Variants in DENND1A observed in about 807,000 individuals in gnomAD.
DENND1A encodes the protein DENN domain containing 1A.
DENND1A carries 51 observed loss-of-function variants against 113.7 expected under a neutral mutation model. The observed-to-expected ratio is 0.45, with a 90% confidence interval of 0.36 to 0.57. DENND1A has a LOEUF of 0.57. Ranked by LOEUF, DENND1A falls within the 20% of genes least tolerant of loss-of-function variation. The pLI is 0.00. For synonymous variants in DENND1A, 565 were observed against 570.8 expected (o/e 0.99, Z 0.14); for missense variants, 1,258 against 1,395.9 (o/e 0.90, Z 1.57).
At chr9:123,835,638 G>A (rs1309763933) in intron 2 of DENND1A, among the ~76,000 whole-genome samples, 3 of 146,338 alleles carry the variant, frequency 2.1e-5, no homozygotes, top group Non-Finnish European at 4.5e-5. Flanking sequence ...TTGGATATCT[G>A]CATTTTCCTC....
chr9:123,704,697 T>A (rs73665341), intron 5 of DENND1A, among the ~76,000 whole-genome samples: 3,131 of 152,204 alleles, frequency 0.021, 112 homozygotes, highest in African/African-American at 0.072. Context: ...GTTTAATGCA[T>A]GTAAAAAACT....
At chr9:123,640,491 CG>C (rs1564867243) in intron 9 of DENND1A, among the ~76,000 whole-genome samples, 1 of 152,208 alleles carries the variant, frequency 6.6e-6, no homozygotes, top group African/African-American at 2.4e-5. Flanking sequence ...GTGGTCCGTA[CG>C]CAAAACCTCT....
intron 1 of DENND1A, among the ~76,000 whole-genome samples, chr9:123,904,161 C>T (rs1329800567): frequency 1.3e-5 from 2 of 152,166 alleles, no homozygotes; most frequent in Non-Finnish European, 2.9e-5. Flanking sequence ...AGCTGAGGGT[C>T]CTGTCTGTTA....
intron 5 of DENND1A, among the ~76,000 whole-genome samples, chr9:123,728,105 CAA>C (rs1184658717): frequency 9.0e-5 from 12 of 132,796 alleles, no homozygotes; most frequent in Admixed American, 1.5e-4. Context: ...GACTCTGTCT[CAA>C]AAAAAAAAAA....
rs1354287866 is a variant in DENND1A at position 123,795,148 on chromosome 9, A to G, written c.89-2518T>C. ...GGTCTTTAACATTCACCAAAGCAAT[A>G]TAATACATTTTTAAAAAGAAAGAAA... On this transcript the variant is annotated intron_variant, in intron 2 of 23. Transcript: ENST00000394215. Among the ~76,000 whole-genome samples the G allele has an allele frequency of 2.6e-5, 4 of 152,232 alleles. No individual in the cohort carries two copies. The South Asian group carries it at 6.2e-4, about 24-fold the overall frequency.
intron 9 of DENND1A, among the ~76,000 whole-genome samples, chr9:123,645,123 T>C (rs997289446): frequency 6.6e-6 from 1 of 152,232 alleles, no homozygotes; most frequent in Non-Finnish European, 1.5e-5. Flanking sequence ...ATTTTTCTTA[T>C]ACAGAATATC....
At chr9:123,868,171 T>C (rs960282086) in intron 2 of DENND1A, among the ~76,000 whole-genome samples, 1 of 152,208 alleles carries the variant, frequency 6.6e-6, no homozygotes, top group Non-Finnish European at 1.5e-5. Context: ...ATGATTGATG[T>C]CATTGACACG....
chr9:123,893,197 T>C (rs1239317227), intron 1 of DENND1A, among the ~76,000 whole-genome samples: 1 of 151,826 alleles, frequency 6.6e-6, no homozygotes, highest in African/African-American at 2.4e-5. Flanking sequence ...AGTTTACCAA[T>C]GAAGAAACTA....
intron 18 of DENND1A, 36 bp from the exon 19 acceptor site, chr9:123,440,527 G>A (rs779398198): frequency 3.3e-6 from 5 of 1,526,124 alleles, no homozygotes; most frequent in South Asian, 2.5e-5. Context: ...TTGGCACTGG[G>A]GTTCTGGCAC....
chr9:123,701,923 C>T (rs955839595), intron 5 of DENND1A, among the ~76,000 whole-genome samples: 12 of 152,298 alleles, frequency 7.9e-5, no homozygotes, highest in Admixed American at 4.6e-4. Context: ...CTACAAGGAT[C>T]AGGGAAACAC....
At chr9:123,566,455 A>G (rs2058057543) in intron 12 of DENND1A, among the ~76,000 whole-genome samples, 1 of 151,988 alleles carries the variant, frequency 6.6e-6, no homozygotes, top group East Asian at 1.9e-4. Context: ...CTCCCCTGAC[A>G]ACTTGTGGGC....
intron 1 of DENND1A, among the ~76,000 whole-genome samples, chr9:123,890,895 G>GT (rs1254139298): frequency 2.0e-5 from 3 of 152,108 alleles, no homozygotes; most frequent in East Asian, 3.8e-4. Flanking sequence ...TGCACTCATT[G>GT]TAAGTGTCTA....
chr9:123,890,841 T>C (rs1849794276), intron 1 of DENND1A, among the ~76,000 whole-genome samples: 1 of 152,206 alleles, frequency 6.6e-6, no homozygotes. Flanking sequence ...AACATATAAT[T>C]GTATCCTCAC....
intron 2 of DENND1A, among the ~76,000 whole-genome samples, chr9:123,835,111 GAAAAAAA>G (rs35785869): frequency 8.9e-6 from 1 of 112,140 alleles, no homozygotes; most frequent in Non-Finnish European, 1.9e-5. Context: ...CTTTAGAGGG[GAAAAAAA>G]AAAAAAAAAG....
intron 13 of DENND1A, among the ~76,000 whole-genome samples, chr9:123,474,454 TTTTTAAGCAAAAAGCTCAAATA>T (rs1192469252): frequency 6.6e-6 from 1 of 152,214 alleles, no homozygotes. Context: ...TAAGCAAAAA[TTTTTAAGCAAAAAGCTCAAATA>T]TTTTAAGCAA....
intron 19 of DENND1A, chr9:123,414,708 G>A: frequency 2.3e-6 from 3 of 1,332,918 alleles, no homozygotes; most frequent in East Asian, 2.5e-5. Context: ...ACATAGACTT[G>A]CTTTCCCTAT....
intron 11 of DENND1A, among the ~76,000 whole-genome samples, chr9:123,607,933 T>C (rs2060246589): frequency 6.6e-6 from 1 of 152,102 alleles, no homozygotes; most frequent in African/African-American, 2.4e-5. Context: ...GTCGTTATAT[T>C]AGTGTTTCAA....
chr9:123,590,393 T>C (rs1353786592), intron 11 of DENND1A, among the ~76,000 whole-genome samples: 2 of 152,164 alleles, frequency 1.3e-5, no homozygotes, highest in Non-Finnish European at 2.9e-5. Flanking sequence ...GTGAAGAACA[T>C]AGATCCAAAG....
chr9:123,643,331 C>T (rs1013372157), intron 9 of DENND1A, among the ~76,000 whole-genome samples: 14 of 152,080 alleles, frequency 9.2e-5, no homozygotes, highest in South Asian at 2.1e-4. Flanking sequence ...GGTGTAGAGG[C>T]TAATTAGGTC....
Sources: allele counts gnomAD v4.1 joint callset (sites outside exome capture counted in the v4.1 genomes callset), GRCh38; gene constraint gnomAD v4.1.1; transcripts MANE v1.5; gene names NCBI Gene and HGNC (gene_info 2026-07-23, HGNC 2026-07-21).